The following KIAA1217 variants were observed in gnomAD, a reference collection of about 807,000 sequenced individuals.
KIAA1217 encodes sickle tail protein homolog.
Under a neutral mutation model 163.9 loss-of-function variants are expected in KIAA1217, and 88 were observed. The ratio of observed to expected loss-of-function variants is 0.54; its 90% CI spans 0.45 to 0.64. The LOEUF is 0.64. Among genes scored for constraint, KIAA1217 ranks in the 30% least tolerant of loss-of-function variants. The pLI is 0.00. For synonymous variants in KIAA1217, 903 were observed against 923.1 expected (o/e 0.98, Z 0.39); for missense variants, 2,372 against 2,475.0 (o/e 0.96, Z 0.88).
At chr10:24,065,363 A>G (rs1338173036) in intron 2 of KIAA1217, among the ~76,000 whole-genome samples, 1 of 152,140 alleles carries the variant, frequency 6.6e-6, no homozygotes, top group African/African-American at 2.4e-5. Flanking sequence ...CGTTGGTTTC[A>G]AAGAACATCT....
At chr10:24,200,511 C>T (rs2067206475) in intron 2 of KIAA1217, among the ~76,000 whole-genome samples, 1 of 152,132 alleles carries the variant, frequency 6.6e-6, no homozygotes, top group African/African-American at 2.4e-5. Flanking sequence ...TTGTGCACCT[C>T]AGCTTTCGCC....
chr10:24,229,982 T>C (rs186894051), intron 2 of KIAA1217, among the ~76,000 whole-genome samples: 13 of 152,012 alleles, frequency 8.6e-5, no homozygotes, highest in Admixed American at 2.6e-4. Flanking sequence ...CAAAAACGTA[T>C]AGAAATAAAA....
intron 1 of KIAA1217, among the ~76,000 whole-genome samples, chr10:23,903,309 A>G (rs1842025873): frequency 6.6e-6 from 1 of 152,132 alleles, no homozygotes; most frequent in Non-Finnish European, 1.5e-5. Context: ...AGTCTTTTGT[A>G]AGGGAGAAAG....
intron 2 of KIAA1217, among the ~76,000 whole-genome samples, chr10:24,107,234 C>T (rs1589522731): frequency 6.6e-6 from 1 of 152,202 alleles, no homozygotes; most frequent in Admixed American, 6.5e-5. Flanking sequence ...TTTATGGCTG[C>T]ATAGTATTCC....
chr10:24,037,128 A>C (rs1453791157), intron 2 of KIAA1217, among the ~76,000 whole-genome samples: 1 of 152,108 alleles, frequency 6.6e-6, no homozygotes, highest in East Asian at 1.9e-4. Context: ...TGCTAGGATT[A>C]GGTCATTGTG....
intron 2 of KIAA1217, among the ~76,000 whole-genome samples, chr10:24,092,467 C>T (rs1242738594): frequency 6.6e-6 from 1 of 151,840 alleles, no homozygotes. Context: ...TTTCTAATAG[C>T]TCTATTTGTA....
At chr10:24,532,029 G>C (rs1458458469) in intron 15 of KIAA1217, 36 bp downstream of exon 15, 4 of 1,455,728 alleles carry the variant, frequency 2.7e-6, no homozygotes, top group African/African-American at 1.4e-5. Flanking sequence ...CTGGCCTCTG[G>C]GTTCAGATGA....
intron 2 of KIAA1217, among the ~76,000 whole-genome samples, chr10:24,234,895 G>T (rs2072010957): frequency 6.6e-6 from 1 of 152,096 alleles, no homozygotes; most frequent in South Asian, 2.1e-4. Context: ...CTTGAGTTTA[G>T]GTCTTGACAA....
chr10:23,981,974 C>G (rs1387586701), intron 1 of KIAA1217, among the ~76,000 whole-genome samples: 1 of 151,816 alleles, frequency 6.6e-6, no homozygotes, highest in African/African-American at 2.4e-5. Context: ...TAAACACTGC[C>G]TAGCGCTGCA....
chr10:24,251,400 C>CAAAAAAAAAAAAAAAAA (rs55668887), intron 2 of KIAA1217, among the ~76,000 whole-genome samples: 3 of 90,536 alleles, frequency 3.3e-5, no homozygotes, highest in Non-Finnish European at 4.4e-5. Context: ...GACACTGTCT[C>CAAAAAAAAAAAAAAAAA]AAAAAAAAAA....
chr10:24,296,645 C>T (rs890647037), intron 2 of KIAA1217, among the ~76,000 whole-genome samples: 2 of 152,158 alleles, frequency 1.3e-5, no homozygotes, highest in African/African-American at 4.8e-5. Context: ...TTTCCTATGA[C>T]CATTTTGAGT....
chr10:23,978,592 A>G (rs1215901246), intron 1 of KIAA1217, among the ~76,000 whole-genome samples: 1 of 152,124 alleles, frequency 6.6e-6, no homozygotes, highest in Non-Finnish European at 1.5e-5. Context: ...ACAGGAAGTT[A>G]ATGGACTGGT....
At chr10:24,217,236 G>T (rs763249601) in intron 1 of KIAA1217, among the ~76,000 whole-genome samples, 12 of 152,176 alleles carry the variant, frequency 7.9e-5, no homozygotes, top group Non-Finnish European at 1.6e-4. Flanking sequence ...TATTAAGGAA[G>T]AGATCATTTT....
intron 1 of KIAA1217, among the ~76,000 whole-genome samples, chr10:23,988,734 A>G (rs1379007476): frequency 1.3e-5 from 2 of 152,216 alleles, no homozygotes; most frequent in Non-Finnish European, 2.9e-5. Context: ...ATAATTATGT[A>G]TCTGTTTTTG....
At chr10:24,420,851 C>T (rs2058672842) in intron 3 of KIAA1217, among the ~76,000 whole-genome samples, 1 of 152,156 alleles carries the variant, frequency 6.6e-6, no homozygotes, top group South Asian at 2.1e-4. Context: ...TTTGTCTAGG[C>T]TCTCTGTTTC....
At chr10:23,851,107 C>T (rs186507187) in intron 1 of KIAA1217, among the ~76,000 whole-genome samples, 19 of 152,046 alleles carry the variant, frequency 1.2e-4, no homozygotes, top group Non-Finnish European at 2.1e-4. Flanking sequence ...TGGTGTGCTG[C>T]GACCATTGAC....
chr10:24,478,449 A>G (rs1361031364), intron 6 of KIAA1217, among the ~76,000 whole-genome samples: 2 of 152,228 alleles, frequency 1.3e-5, no homozygotes, highest in Non-Finnish European at 2.9e-5. Flanking sequence ...CACAGTGTCT[A>G]TGGTATAACA....
intron 2 of KIAA1217, among the ~76,000 whole-genome samples, chr10:24,179,879 T>C (rs1435602130): frequency 6.6e-6 from 1 of 152,198 alleles, no homozygotes; most frequent in Non-Finnish European, 1.5e-5. Flanking sequence ...TGAGCCACCA[T>C]GCCTGGTCTA....
At chr10:24,394,142 C>T (rs116451923) in intron 3 of KIAA1217, among the ~76,000 whole-genome samples, 100 of 152,294 alleles carry the variant, frequency 6.6e-4, no homozygotes, top group Middle Eastern at 6.8e-3. Flanking sequence ...TTCTTTTCGG[C>T]GATTCTCAAG....
Sources: gnomAD v4.1 joint callset for allele counts (sites outside exome capture counted in the v4.1 genomes callset) on GRCh38, gnomAD v4.1.1 for gene constraint, MANE v1.5 for transcripts, NCBI Gene and HGNC (gene_info 2026-07-23, HGNC 2026-07-21) for gene names.